RANBP2: variants seen among roughly 807,000 people sequenced by gnomAD.
RANBP2 encodes E3 SUMO-protein ligase RanBP2.
In RANBP2, 57 loss-of-function variants were observed where a neutral mutation model predicts 303.6. The observed-to-expected ratio is 0.19, with a 90% CI of 0.15 to 0.23. The LOEUF (loss-of-function observed/expected upper bound fraction) is 0.23. Ranked by LOEUF, RANBP2 falls within the 10% of genes least tolerant of loss-of-function variation. RANBP2 has a pLI of 1.00. For missense variants in RANBP2, 3,138 were observed against 3,780.8 expected, an observed-to-expected ratio of 0.83 and a Z score of 4.46; for synonymous variants, 1,167 against 1,301.5, an observed-to-expected ratio of 0.90 and a Z score of 2.23.
At chr2:109,052,996 C>T in the RANBP2 span, among the ~76,000 whole-genome samples, 1 of 152,202 alleles carries the variant, frequency 6.6e-6, no homozygotes, top group African/African-American at 2.4e-5. Context: ...GGCGTCCCTT[C>T]CCCTGTTGAG....
At chr2:108,964,920 A>G in the RANBP2 span, among the ~76,000 whole-genome samples, 1 of 152,218 alleles carries the variant, frequency 6.6e-6, no homozygotes, top group Non-Finnish European at 1.5e-5. Context: ...GGAACAGTTC[A>G]TTCATTCTAA....
the RANBP2 span, among the ~76,000 whole-genome samples, chr2:108,879,390 C>T: frequency 5.9e-5 from 9 of 152,064 alleles, no homozygotes; most frequent in African/African-American, 2.2e-4. Flanking sequence ...TTTAAACTGT[C>T]CCAGAAGGTA....
At chr2:108,933,349 T>C in the RANBP2 span, among the ~76,000 whole-genome samples, 2 of 151,900 alleles carry the variant, frequency 1.3e-5, no homozygotes. Flanking sequence ...GAAGAGAGAG[T>C]ATGAATTCTG....
chr2:108,912,725 C>T, the RANBP2 span: 1 of 1,602,700 alleles, frequency 6.2e-7, no homozygotes, highest in East Asian at 2.2e-5. Context: ...GCCCGAGGTG[C>T]CAGGGAAGTT....
At chr2:109,534,769 CA>C in the RANBP2 span, among the ~76,000 whole-genome samples, 4,057 of 125,854 alleles carry the variant, frequency 0.032, 105 homozygotes, top group African/African-American at 0.085. Flanking sequence ...AACTCAGTCT[CA>C]AAAAAAAAAA....
At chr2:108,929,485 T>C in the RANBP2 span, 1 of 1,236,886 alleles carries the variant, frequency 8.1e-7, no homozygotes, top group Non-Finnish European at 1.2e-6. Context: ...CTCCAGAAGC[T>C]ACTCTTGCCG....
the RANBP2 span, among the ~76,000 whole-genome samples, chr2:109,570,528 T>G: frequency 2.2e-5 from 1 of 46,108 alleles, no homozygotes; most frequent in Non-Finnish European, 7.8e-5. Context: ...TTGTATCAGG[T>G]TTTTTTTTTT....
chr2:109,435,187 G>T, the RANBP2 span, among the ~76,000 whole-genome samples: 1 of 152,196 alleles, frequency 6.6e-6, no homozygotes, highest in African/African-American at 2.4e-5. Context: ...CGGGTCGGCT[G>T]CCCCCAGGTC....
At chr2:109,419,079 G>T in the RANBP2 span, among the ~76,000 whole-genome samples, 1 of 152,170 alleles carries the variant, frequency 6.6e-6, no homozygotes, top group East Asian at 1.9e-4. Flanking sequence ...CGGTCCTCTT[G>T]GCCTGCTGCT....
chr2:108,840,557 TTG>T, the RANBP2 span, among the ~76,000 whole-genome samples: 1 of 152,176 alleles, frequency 6.6e-6, no homozygotes, highest in African/African-American at 2.4e-5. Context: ...TTGTAGTAGT[TTG>T]TGCTTTTTGA....
chr2:108,806,496 T>A, the RANBP2 span, among the ~76,000 whole-genome samples: 1 of 152,180 alleles, frequency 6.6e-6, no homozygotes, highest in Non-Finnish European at 1.5e-5. Context: ...TGTGTTAAGA[T>A]TAGATCAGAG....
At chr2:109,574,477 A>T in the RANBP2 span, 115 of 554,710 alleles carry the variant, frequency 2.1e-4, no homozygotes, top group Non-Finnish European at 2.8e-4. Context: ...TTTAAAAAAG[A>T]TGCACAGGAT....
chr2:109,559,627 C>T, the RANBP2 span, among the ~76,000 whole-genome samples: 1 of 152,208 alleles, frequency 6.6e-6, no homozygotes, highest in African/African-American at 2.4e-5. Flanking sequence ...CCATTATCCT[C>T]ATTACCTTTT....
chr2:109,413,082 T>G, the RANBP2 span, among the ~76,000 whole-genome samples: 1 of 152,214 alleles, frequency 6.6e-6, no homozygotes, highest in Non-Finnish European at 1.5e-5. Context: ...TCCTTACCTG[T>G]ACCTCCTTTC....
the RANBP2 span, chr2:108,929,079 G>T: frequency 3.4e-6 from 4 of 1,183,692 alleles, no homozygotes; most frequent in Non-Finnish European, 4.9e-6. Flanking sequence ...AAGGCCAGGT[G>T]TGCGGCTGCA....
chr2:109,144,656 A>G, the RANBP2 span, among the ~76,000 whole-genome samples: 3 of 152,258 alleles, frequency 2.0e-5, no homozygotes, highest in Non-Finnish European at 4.4e-5. Flanking sequence ...TTTGGACATG[A>G]CAGGTGTTCC....
chr2:109,411,900 G>C, the RANBP2 span, among the ~76,000 whole-genome samples: 5,347 of 152,322 alleles, frequency 0.035, 194 homozygotes, highest in African/African-American at 0.089. Context: ...TCAAGTGTCA[G>C]CTGAAGGCCA....
At chr2:108,773,243 G>A (rs1184294357) in intron 23 of RANBP2, among the ~76,000 whole-genome samples, 197 bp downstream of exon 23, 3 of 151,698 alleles carry the variant, frequency 2.0e-5, no homozygotes, top group Non-Finnish European at 4.4e-5. Flanking sequence ...TCAGCCTCCC[G>A]AGTAGTTGGG....
At chr2:109,597,406 T>C in the RANBP2 span, among the ~76,000 whole-genome samples, 5 of 152,218 alleles carry the variant, frequency 3.3e-5, no homozygotes, top group African/African-American at 1.2e-4. Context: ...ACCACCCACT[T>C]AGTATGTGTA....
Sources: allele counts gnomAD v4.1 joint callset (sites outside exome capture counted in the v4.1 genomes callset), GRCh38; gene constraint gnomAD v4.1.1; transcripts MANE v1.5; gene names NCBI Gene and HGNC (gene_info 2026-07-23, HGNC 2026-07-21).